The following RPGRIP1L variants were observed in gnomAD, a reference collection of about 807,000 sequenced individuals.
The protein encoded by RPGRIP1L is protein fantom.
Under a neutral mutation model 160.4 loss-of-function variants are expected in RPGRIP1L, and 131 were observed. The ratio of observed to expected loss-of-function variants is 0.82; its 90% CI spans 0.71 to 0.94. RPGRIP1L has a LOEUF of 0.94. RPGRIP1L is among the 40% of genes least tolerant of loss of function. The pLI is 0.00. For missense variants in RPGRIP1L, 1,522 were observed against 1,535.8 expected (o/e 0.99, Z 0.15); for synonymous variants, 510 against 515.8 (o/e 0.99, Z 0.15).
intron 10 of RPGRIP1L, among the ~76,000 whole-genome samples, chr16:53,661,987 T>A (rs914404722): frequency 6.6e-6 from 1 of 152,154 alleles, no homozygotes; most frequent in African/African-American, 2.4e-5. Flanking sequence ...AGTACTGAAA[T>A]GCTATAGTTC....
At chr16:53,620,665 G>C (rs1221819801) in intron 23 of RPGRIP1L, among the ~76,000 whole-genome samples, 1 of 152,158 alleles carries the variant, frequency 6.6e-6, no homozygotes, top group South Asian at 2.1e-4. Context: ...TGAAAAGAAA[G>C]AGATGAAAGC....
chr16:53,642,379 A>T (rs1406452806), intron 17 of RPGRIP1L, among the ~76,000 whole-genome samples: 4 of 152,014 alleles, frequency 2.6e-5, no homozygotes, highest in African/African-American at 9.7e-5. Context: ...CTTTTGCTTA[A>T]GAGTATCCTT....
At chr16:53,617,886 G>A (rs1214376416) in intron 24 of RPGRIP1L, among the ~76,000 whole-genome samples, 1 of 152,126 alleles carries the variant, frequency 6.6e-6, no homozygotes, top group African/African-American at 2.4e-5. Context: ...TAAGATTAGT[G>A]AGGAAAAAAA....
intron 17 of RPGRIP1L, among the ~76,000 whole-genome samples, chr16:53,644,583 A>G (rs996255757): frequency 6.6e-6 from 1 of 152,178 alleles, no homozygotes; most frequent in Non-Finnish European, 1.5e-5. Context: ...CTGGAAAACA[A>G]CATCAAGTAT....
In RPGRIP1L at chr16:53,605,547, C is replaced by G; in HGVS notation, c.3769G>C (p.Val1257Leu). 6.2e-7 allele frequency: 1 copy of G among 1,614,040 alleles called. No homozygotes were observed. Among genetic ancestry groups the G allele is most frequent in the Non-Finnish European group, 8.5e-7 (1 of 1,179,934 alleles). Residue 1257 changes from valine to leucine, a missense_variant, in exon 26 of 27, where the codon GTG becomes CTG. Coordinates refer to ENST00000647211, the MANE Select transcript of RPGRIP1L (RefSeq NM_015272.5). The part of the protein sequence containing the change: ...EQDLECEDIG[V>L]AHVDLADMFQ... ...ATGTCGGCAAGGTCGACGTGAGCCA[C>G]GCCAATGTCCTCACACTCCAGGTCC...
chr16:53,625,347 G>A (rs1047735547), intron 22 of RPGRIP1L, among the ~76,000 whole-genome samples: 1 of 151,500 alleles, frequency 6.6e-6, no homozygotes, highest in Non-Finnish European at 1.5e-5. Context: ...CATCTGGGTG[G>A]TGGGGAGCGC....
At chr16:53,605,313 G>T (rs565231125) in intron 26 of RPGRIP1L, 168 bp downstream of exon 26, 1 of 713,770 alleles carries the variant, frequency 1.4e-6, no homozygotes, top group East Asian at 2.6e-5. Flanking sequence ...GACAGGAAAA[G>T]GATATAGGAA....
At chr16:53,636,633 C>T (rs1965853173) in intron 21 of RPGRIP1L, 121 bp from the exon 22 acceptor site, 2 of 625,166 alleles carry the variant, frequency 3.2e-6, no homozygotes, top group Non-Finnish European at 2.8e-6. Flanking sequence ...GTAATTATAC[C>T]TAGATCTTTT....
At chr16:53,699,938 G>A (rs1971252944) in intron 2 of RPGRIP1L, among the ~76,000 whole-genome samples, 1 of 152,088 alleles carries the variant, frequency 6.6e-6, no homozygotes, top group Non-Finnish European at 1.5e-5. Context: ...ATTGAAAAGT[G>A]TATGTAGATT....
rs1246018901 is a variant in RPGRIP1L at position 53,652,707 on chromosome 16, T to C, written c.1980A>G (p.Gln660=). 3 of 1,614,116 alleles carry C rather than the reference T, an allele frequency of 1.9e-6. No individual in the cohort carries two copies. The highest frequency in any genetic ancestry group is 1.1e-5 in the South Asian group (1 of 91,082). ...GLHPEYNFTS[Q]YLVHVNDLFL... is the part of the protein sequence containing the mutation. ...ATAAGTCATTAACATGAACAAGATA[T>C]TGAGAAGTGAAGTTATATTCGGGAT... Residue 660 remains glutamine, a synonymous_variant, in exon 15 of 27, where the codon CAA becomes CAG. Coordinates refer to ENST00000647211, the MANE Select transcript of RPGRIP1L (RefSeq NM_015272.5).
rs778885314 is a variant in RPGRIP1L, at chr16:53,652,629, A to G, written c.2058T>C (p.Tyr686=). 4.3e-6 allele frequency: 7 copies of G among 1,614,058 alleles called. No homozygotes were observed. The Admixed American group carries it at 1.0e-4, about 23-fold the overall frequency. ...CTGCAATTGTTTCATATTCTGTGCTATAAGCCTGGTGGACCTCAAGGGTGA... is the reference window on the plus strand; with the variant it reads ...CTGCAATTGTTTCATATTCTGTGCTGTAAGCCTGGTGGACCTCAAGGGTGA... The part of the protein sequence containing the change: ...NTITLEVHQA[Y]STEYETIAAC... The change falls in exon 15 of 27, where the codon TAT becomes TAC. Residue 686 remains tyrosine, a synonymous_variant. Coordinates refer to ENST00000647211, the MANE Select transcript of RPGRIP1L (RefSeq NM_015272.5).
intron 22 of RPGRIP1L, among the ~76,000 whole-genome samples, chr16:53,632,084 G>A (rs117636476): frequency 0.019 from 2,831 of 152,284 alleles, 46 homozygotes; most frequent in Middle Eastern, 0.031. Flanking sequence ...ATACATCACA[G>A]ACATGAAGAA....
rs200986275 is a variant in RPGRIP1L, at chr16:53,695,060, TA to T, written c.230+1090del. On this transcript the variant is annotated intron_variant, in intron 3 of 26. Coordinates refer to ENST00000647211, the MANE Select transcript of RPGRIP1L (RefSeq NM_015272.5). ...ATTCCTAGCTCAGTCCTTTTCCCAT[TA>T]AACTACATGGCTCATTATTCAGTTG... 1,643 of 400,404 alleles carry T rather than the reference TA, an allele frequency of 4.1e-3. 39 individuals are homozygous for T. In the Admixed American group the frequency reaches 0.058, roughly 14 times the overall value. 24.8% of individuals were successfully genotyped at this position (400,404 alleles called of 1,614,324 possible).
intron 10 of RPGRIP1L, among the ~76,000 whole-genome samples, chr16:53,661,776 C>G (rs1967817660): frequency 6.6e-6 from 1 of 152,074 alleles, no homozygotes; most frequent in Non-Finnish European, 1.5e-5. Flanking sequence ...CCAGCCTTTC[C>G]TAACTGTTGT....
chr16:53,699,386 T>TAAAAAAAAAAAAAAAAAAAAAAAA, intron 2 of RPGRIP1L, among the ~76,000 whole-genome samples: 1 of 77,452 alleles, frequency 1.3e-5, no homozygotes, highest in Non-Finnish European at 2.5e-5. Flanking sequence ...GAATGATCAA[T>TAAAAAAAAAAAAAAAAAAAAAAAA]AAAAAAAAAA....
chr16:53,695,888 G>A, intron 3 of RPGRIP1L: 1 of 364,966 alleles, frequency 2.7e-6, no homozygotes, highest in South Asian at 3.5e-5. Flanking sequence ...TAAACCAAAA[G>A]TTATTTATAG....
intron 2 of RPGRIP1L, among the ~76,000 whole-genome samples, chr16:53,699,386 T>TAAAAAAA (rs10652484): frequency 3.2e-4 from 25 of 77,294 alleles, no homozygotes; most frequent in Admixed American, 4.7e-4. Context: ...GAATGATCAA[T>TAAAAAAA]AAAAAAAAAA....
intron 11 of RPGRIP1L, 131 bp downstream of exon 11, chr16:53,658,641 T>G (rs1050645569): frequency 3.6e-6 from 3 of 830,992 alleles, no homozygotes; most frequent in Non-Finnish European, 4.0e-6. Context: ...AACTACCTGA[T>G]AGCATGAGTT....
At chr16:53,662,895 C>T (rs1739359746) in intron 10 of RPGRIP1L, among the ~76,000 whole-genome samples, 1 of 151,934 alleles carries the variant, frequency 6.6e-6, no homozygotes, top group South Asian at 2.1e-4. Flanking sequence ...TAAACTGAAG[C>T]TATTTAAATA....
Sources: allele counts gnomAD v4.1 joint callset (sites outside exome capture counted in the v4.1 genomes callset), GRCh38; gene constraint gnomAD v4.1.1; transcripts MANE v1.5; gene names NCBI Gene and HGNC (gene_info 2026-07-23, HGNC 2026-07-21).